Variants in TRPM6 observed in about 807,000 individuals in gnomAD.
TRPM6 encodes channel kinase 2.
In TRPM6, 111 loss-of-function variants were observed where a neutral mutation model predicts 247.6. The ratio of observed to expected loss-of-function variants is 0.45; its 90% CI spans 0.38 to 0.52. The LOEUF is 0.52. TRPM6 is among the 20% of genes least tolerant of loss of function. TRPM6 has a pLI of 0.00. For synonymous variants in TRPM6, 892 were observed against 853.8 expected (o/e 1.04, Z -0.78); for missense variants, 2,126 against 2,421.5 (o/e 0.88, Z 2.56).
rs560440841 is a variant in TRPM6 at position 74,806,479 on chromosome 9, T to C, written c.1638+1555A>G. 2.6e-5 allele frequency among the ~76,000 whole-genome samples: 4 copies of C among 152,126 alleles called. No individual in the cohort carries two copies. The East Asian group carries it at 7.7e-4, about 29-fold the overall frequency. On this transcript the variant is annotated intron_variant, in intron 14 of 38. Coordinates refer to ENST00000360774, the MANE Select transcript of TRPM6 (RefSeq NM_017662.5). ...TAAGTTTCTGTTTTGTTGATAAAAA[T>C]TGAACATAGAAATGATGAGGTGAAG...
chr9:74,761,663 A>T lies in TRPM6; in HGVS notation c.4785+33T>A, dbSNP rs201922004. The T allele has an allele frequency of 4.2e-6, 6 of 1,423,436 alleles. No homozygotes were observed. The East Asian group carries it at 1.1e-4, about 27-fold the overall frequency. The allele number at this position is 1,423,436 out of a possible 1,614,324, so 88.2% of individuals were successfully genotyped here. A position where few individuals can be genotyped will look rare whatever the true frequency, so the allele number is the denominator to read the frequency against. On this transcript the variant is annotated intron_variant, in intron 27 of 38. Transcript: ENST00000360774. ...AGATAGGCCACTACCTTGACTGCTCAAAACCTAAAAGACAGAATAACAGTA... is the reference window on the plus strand; with the variant it reads ...AGATAGGCCACTACCTTGACTGCTCTAAACCTAAAAGACAGAATAACAGTA...
chr9:74,829,751 T>A (rs1200620624), intron 6 of TRPM6, among the ~76,000 whole-genome samples: 4 of 152,058 alleles, frequency 2.6e-5, no homozygotes, highest in South Asian at 4.1e-4. Flanking sequence ...TTTAAAAAGA[T>A]AAGAAATAAT....
intron 36 of TRPM6, among the ~76,000 whole-genome samples, chr9:74,736,893 T>G (rs1825714496): frequency 6.6e-6 from 1 of 152,222 alleles, no homozygotes; most frequent in Non-Finnish European, 1.5e-5. Context: ...CAAAAACCTA[T>G]TCAAGTGGAA....
rs546101333 is a variant in TRPM6, at chr9:74,825,775, T to C, written c.841+2003A>G. Among the ~76,000 whole-genome samples the C allele has an allele frequency of 1.6e-4, 24 of 152,044 alleles. 1 individual carries two copies. The highest frequency in any genetic ancestry group is 2.8e-4 in the Non-Finnish European group (19 of 68,010). ...GCGCTGCACAGAACCCCACGCAATT[T>C]AGGTGGTGGGCAAAGGTCAACAGAG... On this transcript the variant is annotated intron_variant, in intron 7 of 38. Transcript: ENST00000360774.
At position 74,739,170 on chromosome 9, in the gene TRPM6, C is replaced by G. The variant is rs148460774; in HGVS notation, c.5570+197G>C. ...CTCTTTTTTCCACTCATGTTTAAGT[C>G]CAGTGATTAACACCAAGGTATCTCT... On this transcript the variant is annotated intron_variant, in intron 35 of 38. Coordinates refer to ENST00000360774, the MANE Select transcript of TRPM6 (RefSeq NM_017662.5). Among the ~76,000 whole-genome samples, 365 of 152,270 alleles carry G rather than the reference C, an allele frequency of 2.4e-3. 2 individuals are homozygous for G. Among genetic ancestry groups the G allele is most frequent in the Non-Finnish European group, 4.1e-3 (278 of 68,016 alleles).
chr9:74,770,879 T>C (rs1479946585), intron 25 of TRPM6, among the ~76,000 whole-genome samples: 1 of 152,136 alleles, frequency 6.6e-6, no homozygotes, highest in African/African-American at 2.4e-5. Context: ...CGTGTCCCCA[T>C]ACCAAGCTTC....
intron 1 of TRPM6, among the ~76,000 whole-genome samples, chr9:74,873,170 G>T (rs1433012071): frequency 6.6e-6 from 1 of 152,014 alleles, no homozygotes; most frequent in Non-Finnish European, 1.5e-5. Context: ...TCTACACACT[G>T]TTCTCTCCAC....
intron 1 of TRPM6, among the ~76,000 whole-genome samples, chr9:74,885,125 CACAGAGAG>C (rs1317260591): frequency 2.6e-5 from 4 of 152,142 alleles, no homozygotes; most frequent in Non-Finnish European, 5.9e-5. Flanking sequence ...ACTTTGCAAA[CACAGAGAG>C]ACAACTCTGG....
At chr9:74,807,019 T>C (rs1321479098) in intron 14 of TRPM6, among the ~76,000 whole-genome samples, 2 of 152,250 alleles carry the variant, frequency 1.3e-5, no homozygotes, top group Admixed American at 1.3e-4. Context: ...CAGCAATGTC[T>C]GTTCTGTTTA....
At chr9:74,761,652 C>T in intron 27 of TRPM6, 44 bp downstream of exon 27, 1 of 1,249,442 alleles carries the variant, frequency 8.0e-7, no homozygotes, top group South Asian at 1.2e-5. Context: ...AGGCCACTAC[C>T]TTGACTGCTC....
chr9:74,831,742 T>C (rs186007861), intron 6 of TRPM6, among the ~76,000 whole-genome samples: 1 of 152,342 alleles, frequency 6.6e-6, no homozygotes, highest in East Asian at 1.9e-4. Flanking sequence ...ATGACAAAGA[T>C]GTTTACATTT....
intron 34 of TRPM6, 38 bp downstream of exon 34, chr9:74,739,685 G>T (rs1235422509): frequency 6.2e-7 from 1 of 1,606,258 alleles, no homozygotes; most frequent in Non-Finnish European, 8.5e-7. Context: ...TCTTTGACTT[G>T]TCCCTCTGGG....
intron 27 of TRPM6, among the ~76,000 whole-genome samples, chr9:74,756,123 T>C (rs1826422234): frequency 6.6e-6 from 1 of 152,240 alleles, no homozygotes; most frequent in Admixed American, 6.5e-5. Flanking sequence ...CAATTTCTAG[T>C]TGAACTCTGG....
chr9:74,742,643 A>T lies in TRPM6; in HGVS notation c.5135-17T>A, dbSNP rs756574855. ...TTTCAATGGCTGCAAACAAAAACAG[A>T]TTTTCTATTTTAAGTATGCATCAGT... On this transcript the variant is annotated splice_polypyrimidine_tract_variant and intron_variant, in intron 32 of 38. Coordinates refer to ENST00000360774, the MANE Select transcript of TRPM6 (RefSeq NM_017662.5). 4 of 1,612,268 alleles carry T rather than the reference A, an allele frequency of 2.5e-6. No homozygotes were observed. The African/African-American group carries it at 5.3e-5, about 22-fold the overall frequency.
Position 74,849,152 on chromosome 9 carries a change from C to T in TRPM6, c.152+6375G>A, listed in dbSNP as rs148899334. Among the ~76,000 whole-genome samples, 994 of 152,190 alleles carry T rather than the reference C, an allele frequency of 6.5e-3. 12 individuals are homozygous for T. Among genetic ancestry groups the T allele is most frequent in the African/African-American group, 0.023 (936 of 41,516 alleles). Reference sequence around the variant, plus strand: ...ATCACCTGAGGTCAGGAGTTCGAGACCAACCTGGCCAACATGGCGAAACCT... The same window carrying T: ...ATCACCTGAGGTCAGGAGTTCGAGATCAACCTGGCCAACATGGCGAAACCT... On this transcript the variant is annotated intron_variant, in intron 3 of 38. Coordinates refer to ENST00000360774, the MANE Select transcript of TRPM6 (RefSeq NM_017662.5).
chr9:74,806,970 C>G (rs540276241), intron 14 of TRPM6, among the ~76,000 whole-genome samples: 1 of 152,238 alleles, frequency 6.6e-6, no homozygotes, highest in Admixed American at 6.5e-5. Context: ...GCTGCACCAG[C>G]GCCACAGTCA....
chr9:74,739,788 G>A lies in TRPM6; in HGVS notation c.5422C>T (p.Pro1808Ser). 6.2e-7 allele frequency: 1 copy of A among 1,614,122 alleles called. No homozygotes were observed. The highest frequency in any genetic ancestry group is 1.3e-5 in the African/African-American group (1 of 75,042). ...TTATGCCATGTCCGCACAACCTCAG[G>A]AAGAAAGGACTTGACAATGAAAACT... ...GQVFIVKSFL[P>S]EVVRTWHKIF... The change falls in exon 34 of 39, where the codon CCT becomes TCT. Residue 1808 changes from proline to serine, a missense_variant. Coordinates refer to ENST00000360774, the MANE Select transcript of TRPM6 (RefSeq NM_017662.5).
In TRPM6 at chr9:74,785,802, T is replaced by C. The variant is rs55720633; in HGVS notation, c.2919+72A>G. On this transcript the variant is annotated intron_variant, in intron 21 of 38. Transcript: ENST00000360774. Reference sequence around the variant, plus strand: ...CCTCCCAAAGTGCTGGGATTACAGGTGTGAGCCACCACACCTGGCTAAAAA... The same window carrying C: ...CCTCCCAAAGTGCTGGGATTACAGGCGTGAGCCACCACACCTGGCTAAAAA... 0.24 allele frequency: 374,894 copies of C among 1,566,186 alleles called. 47,561 individuals are homozygous for C. The highest frequency in any genetic ancestry group is 0.46 in the Admixed American group (27,652 of 59,922).
chr9:74,816,608 C>A, intron 11 of TRPM6, 61 bp downstream of exon 11: 1 of 1,370,726 alleles, frequency 7.3e-7, no homozygotes, highest in Non-Finnish European at 1.0e-6. Flanking sequence ...TTCTCTTTTG[C>A]CCCTTCCTAA....
Sources: allele counts gnomAD v4.1 joint callset (sites outside exome capture counted in the v4.1 genomes callset), GRCh38; gene constraint gnomAD v4.1.1; transcripts MANE v1.5; gene names NCBI Gene and HGNC (gene_info 2026-07-23, HGNC 2026-07-21).